EML4: variants seen among roughly 807,000 people sequenced by gnomAD.
The protein encoded by EML4 is EMAP like 4, also known as echinoderm microtubule-associated protein-like 4.
In EML4, 72 loss-of-function variants were observed where a neutral mutation model predicts 129.0. That is an observed-to-expected ratio of 0.56 (90% CI 0.46 to 0.68). EML4 has a LOEUF of 0.68. Ranked by LOEUF, EML4 falls within the 30% of genes least tolerant of loss-of-function variation. The pLI is 0.00. For missense variants in EML4, 1,363 were observed against 1,190.6 expected (o/e 1.14, Z -2.13); for synonymous variants, 532 against 405.0 (o/e 1.31, Z -3.77).
At chr2:42,225,170 G>C (rs1194797912) in intron 1 of EML4, among the ~76,000 whole-genome samples, 2 of 152,036 alleles carry the variant, frequency 1.3e-5, no homozygotes, top group African/African-American at 4.8e-5. Flanking sequence ...ATGGACATAT[G>C]GGTGCTTTCC....
At chr2:42,325,210 GAC>G (rs1558614104) in intron 19 of EML4, 6 of 561,226 alleles carry the variant, frequency 1.1e-5, no homozygotes, top group Non-Finnish European at 2.1e-5. Context: ...AAGTTTAAGA[GAC>G]TGTCTTTCTT....
chr2:42,229,284 T>C (rs1466457525), intron 1 of EML4, among the ~76,000 whole-genome samples: 1 of 152,208 alleles, frequency 6.6e-6, no homozygotes, highest in Non-Finnish European at 1.5e-5. Flanking sequence ...CTAGATGTTC[T>C]TAGCTTCATT....
chr2:42,216,612 T>C (rs1673209850), intron 1 of EML4, among the ~76,000 whole-genome samples: 1 of 152,224 alleles, frequency 6.6e-6, no homozygotes, highest in Non-Finnish European at 1.5e-5. Flanking sequence ...ATTAATATGT[T>C]ACCTGTTCTT....
At chr2:42,174,841 A>C (rs1056545264) in intron 1 of EML4, among the ~76,000 whole-genome samples, 15 of 151,440 alleles carry the variant, frequency 9.9e-5, no homozygotes, top group Non-Finnish European at 1.9e-4. Flanking sequence ...TTTTTGAGAC[A>C]GAGTCTTGCT....
At chr2:42,284,799 T>C in intron 9 of EML4, 96 bp downstream of exon 9, 2 of 886,088 alleles carry the variant, frequency 2.3e-6, no homozygotes, top group East Asian at 2.9e-5. Flanking sequence ...GTTTTATTCT[T>C]TTAAAATTTA....
At chr2:42,313,282 T>C (rs1197951193) in intron 17 of EML4, among the ~76,000 whole-genome samples, 1 of 152,186 alleles carries the variant, frequency 6.6e-6, no homozygotes, top group Non-Finnish European at 1.5e-5. Flanking sequence ...TAACATGTAT[T>C]TGATTGATGT....
At chr2:42,188,503 G>A (rs931273835) in intron 1 of EML4, among the ~76,000 whole-genome samples, 22 of 151,546 alleles carry the variant, frequency 1.5e-4, no homozygotes, top group Admixed American at 6.6e-5. Flanking sequence ...ATTACAGGCC[G>A]TGAACCACTG....
At chr2:42,184,635 A>G (rs376382805) in intron 1 of EML4, among the ~76,000 whole-genome samples, 2 of 151,944 alleles carry the variant, frequency 1.3e-5, no homozygotes, top group Non-Finnish European at 2.9e-5. Flanking sequence ...TTTATTCAAT[A>G]TCTCTCCTTT....
At chr2:42,256,947 A>G (rs1342078482) in intron 3 of EML4, among the ~76,000 whole-genome samples, 1 of 152,202 alleles carries the variant, frequency 6.6e-6, no homozygotes, top group African/African-American at 2.4e-5. Context: ...ATATAACTGA[A>G]TTTTCCATAG....
chr2:42,309,626 T>G (rs927531765), intron 17 of EML4, among the ~76,000 whole-genome samples: 6 of 152,086 alleles, frequency 3.9e-5, no homozygotes, highest in Non-Finnish European at 8.8e-5. Context: ...TGCTTTTGAT[T>G]TGCATTTCTC....
chr2:42,210,035 A>G (rs2104015410), intron 1 of EML4, among the ~76,000 whole-genome samples: 1 of 152,306 alleles, frequency 6.6e-6, no homozygotes, highest in East Asian at 1.9e-4. Flanking sequence ...GAGTTTCCAC[A>G]CACACCCCCC....
intron 11 of EML4, among the ~76,000 whole-genome samples, chr2:42,294,493 C>G (rs962212173): frequency 5.3e-5 from 8 of 152,172 alleles, no homozygotes; most frequent in African/African-American, 1.9e-4. Context: ...GTCAGGAGTT[C>G]GAGCCCAGCC....
chr2:42,257,798 C>G (rs1665434683), intron 3 of EML4, among the ~76,000 whole-genome samples: 1 of 149,266 alleles, frequency 6.7e-6, no homozygotes, highest in Non-Finnish European at 1.5e-5. Flanking sequence ...GATTGCGCCA[C>G]TGTATCCCAG....
intron 2 of EML4, among the ~76,000 whole-genome samples, chr2:42,248,078 T>G (rs1675528139): frequency 6.6e-6 from 1 of 152,090 alleles, no homozygotes; most frequent in Non-Finnish European, 1.5e-5. Context: ...GCACAAGTGG[T>G]CCTCATTCCT....
At chr2:42,329,039 T>C in intron 22 of EML4, 23 bp downstream of exon 22, 1 of 1,603,528 alleles carries the variant, frequency 6.2e-7, no homozygotes. Context: ...TAATAGAAAC[T>C]AATGTTATAA....
rs145820922 is a variant in EML4 at position 42,313,616 on chromosome 2, A to C, written c.1968-2346A>C. Among the ~76,000 whole-genome samples, 16 of 152,196 alleles carry C rather than the reference A, an allele frequency of 1.1e-4. No homozygotes were observed. In the East Asian group the frequency reaches 1.9e-3, roughly 18 times the overall value. On this transcript the variant is annotated intron_variant, in intron 17 of 22. Transcript: ENST00000318522. ...ATGGTCCCTTTCCCAGATATTAGTT[A>C]TAGTGCTTTAAAATGAAAAGAAACT... is the stretch of plus-strand genomic sequence containing the variant.
intron 13 of EML4, among the ~76,000 whole-genome samples, chr2:42,299,205 C>T (rs759402441): frequency 6.6e-6 from 1 of 152,200 alleles, no homozygotes. Flanking sequence ...CAAGCCCTTT[C>T]CTGTCTCCCT....
chr2:42,281,375 C>T (rs547430964), intron 7 of EML4, among the ~76,000 whole-genome samples: 6 of 144,940 alleles, frequency 4.1e-5, no homozygotes, highest in Admixed American at 2.8e-4. Context: ...CCTGGGCGAC[C>T]GGGGAAAACT....
chr2:42,315,837 C>A, intron 17 of EML4, 125 bp from the exon 18 acceptor site: 1 of 652,598 alleles, frequency 1.5e-6, no homozygotes, highest in Non-Finnish European at 2.7e-6. Flanking sequence ...GAGCTAGGAT[C>A]ACTCCATGCA....
Sources: allele counts gnomAD v4.1 joint callset (sites outside exome capture counted in the v4.1 genomes callset), GRCh38; gene constraint gnomAD v4.1.1; transcripts MANE v1.5; gene names NCBI Gene and HGNC (gene_info 2026-07-23, HGNC 2026-07-21).